Variants in PDCD11 observed in about 807,000 individuals in gnomAD.
The protein encoded by PDCD11 is protein RRP5 homolog.
In PDCD11, 97 loss-of-function variants were observed where a neutral mutation model predicts 198.9. The observed-to-expected ratio is 0.49, with a 90% CI of 0.41 to 0.58. PDCD11 has a LOEUF of 0.58. Among genes scored for constraint, PDCD11 ranks in the 20% least tolerant of loss-of-function variants. The pLI, the probability that PDCD11 is intolerant of heterozygous loss-of-function variation, is 0.00. For missense variants in PDCD11, 2,102 were observed against 2,312.7 expected (o/e 0.91, Z 1.87); for synonymous variants, 893 against 918.0 (o/e 0.97, Z 0.49).
chr10:103,445,331 G>A (rs762280957), intron 35 of PDCD11, 47 bp from the exon 36 acceptor site: 15 of 1,599,076 alleles, frequency 9.4e-6, no homozygotes, highest in East Asian at 2.2e-5. Context: ...CAGGAAGCAC[G>A]TGACCTGGGA....
chr10:103,400,280 G>T, intron 2 of PDCD11, 117 bp from the exon 3 acceptor site: 1 of 790,002 alleles, frequency 1.3e-6, no homozygotes. Flanking sequence ...GTGGGATGGG[G>T]TAGGGTGGAG....
intron 34 of PDCD11, 51 bp from the exon 35 acceptor site, chr10:103,444,463 TGTG>T (rs767663637): frequency 2.2e-5 from 34 of 1,535,932 alleles, no homozygotes; most frequent in African/African-American, 2.7e-5. Context: ...AACACTGTGT[TGTG>T]GTGAGGGGGC....
At chr10:103,423,864 GCACTC>G (rs1462406537) in intron 19 of PDCD11, among the ~76,000 whole-genome samples, 3 of 152,170 alleles carry the variant, frequency 2.0e-5, no homozygotes, top group African/African-American at 7.2e-5. Context: ...AGTTACATGG[GCACTC>G]CATCTTTAGG....
At position 103,438,814 on chromosome 10, in the gene PDCD11, TGA is replaced by T. The variant is rs763055357; in HGVS notation, c.4025+8_4025+9del. On this transcript the variant is annotated splice_region_variant and intron_variant, in intron 27 of 35. Coordinates refer to ENST00000369797, the MANE Select transcript of PDCD11 (RefSeq NM_014976.2). Reference sequence around the variant, plus strand: ...CCACACGGTGTGTTCTTTCGGTGAGTGAGGGGGGCTCTGCACCCGGACCCAAG... The same window carrying T: ...CCACACGGTGTGTTCTTTCGGTGAGTGGGGGGCTCTGCACCCGGACCCAAG... 2 of 1,613,576 alleles carry T rather than the reference TGA, an allele frequency of 1.2e-6. No individual in the cohort carries two copies.
intron 20 of PDCD11, among the ~76,000 whole-genome samples, chr10:103,425,983 A>C (rs1323956318): frequency 6.6e-6 from 1 of 152,178 alleles, no homozygotes; most frequent in East Asian, 1.9e-4. Context: ...AAAATATGGA[A>C]TATATGGTGT....
chr10:103,439,868 G>A lies in PDCD11; in HGVS notation c.4148G>A (p.Arg1383His), dbSNP rs1453730400. 6 of 1,613,978 alleles carry A rather than the reference G, an allele frequency of 3.7e-6. No individual in the cohort carries two copies. Among genetic ancestry groups the A allele is most frequent in the African/African-American group, 1.3e-5 (1 of 74,876 alleles). Residue 1383 changes from arginine to histidine, a missense_variant and splice_region_variant, in exon 28 of 36, where the codon CGC becomes CAC. Arg to His is a conservative substitution (Grantham distance 29, BLOSUM62 0). Transcript: ENST00000369797. ...EGKLLTARVL[R>H]LNHQKNLVEL... is the part of the protein sequence containing the mutation. ...AAGCTGCTCACAGCCAGGGTCCTACGGTAGGTGCCTTCCCGTTCTCTCTCT... is the reference window on the plus strand; with the variant it reads ...AAGCTGCTCACAGCCAGGGTCCTACAGTAGGTGCCTTCCCGTTCTCTCTCT...
intron 26 of PDCD11, 96 bp downstream of exon 26, chr10:103,438,167 C>T: frequency 1.1e-6 from 1 of 927,178 alleles, no homozygotes; most frequent in Non-Finnish European, 1.8e-6. Flanking sequence ...GGGCTTCCCA[C>T]CTTCTCTGCT....
At chr10:103,435,036 C>A in intron 25 of PDCD11, 61 bp downstream of exon 25, 1 of 1,261,024 alleles carries the variant, frequency 7.9e-7, no homozygotes, top group Non-Finnish European at 1.1e-6. Flanking sequence ...TAAAAAAAAA[C>A]GTTGTTGTAA....
chr10:103,436,058 C>T (rs1386668160), intron 25 of PDCD11, among the ~76,000 whole-genome samples: 4 of 146,752 alleles, frequency 2.7e-5, no homozygotes, highest in South Asian at 2.2e-4. Flanking sequence ...GATAGAGTCT[C>T]GCTCTGTTGC....
chr10:103,444,370 C>T, intron 34 of PDCD11, 147 bp from the exon 35 acceptor site: 1 of 764,192 alleles, frequency 1.3e-6, no homozygotes, highest in Non-Finnish European at 2.1e-6. Context: ...CCAAACCCAC[C>T]CCTTTTGGGT....
In PDCD11 at chr10:103,443,172, C is replaced by A; in HGVS notation, c.4963C>A (p.Gln1655Lys). 6.3e-7 allele frequency: 1 copy of A among 1,588,152 alleles called. No homozygotes were observed. The highest frequency in any genetic ancestry group is 8.6e-7 in the Non-Finnish European group (1 of 1,162,732). The change falls in exon 33 of 36, where the codon CAG becomes AAG. Residue 1655 changes from glutamine (Q) to lysine (K), a missense_variant. Gln to Lys is a moderately conservative substitution (Grantham distance 53, BLOSUM62 1). Transcript: ENST00000369797. ...ALKTISFREE[Q>K]EKLNVWVALL... ...TGACTGCTCTCCCTCCAGAGAGGAG[C>A]AGGAGAAGCTGAACGTGTGGGTGGC...
At chr10:103,433,809 C>T (rs2032034376) in intron 22 of PDCD11, 139 bp from the exon 23 acceptor site, 3 of 662,348 alleles carry the variant, frequency 4.5e-6, no homozygotes, top group Non-Finnish European at 8.2e-6. Context: ...TGGGCAAGGG[C>T]AGTGGGATGG....
Position 103,406,123 on chromosome 10 carries a change from A to T in PDCD11, c.688+15A>T. The T allele has an allele frequency of 6.2e-7, 1 of 1,613,528 alleles. No homozygotes were observed. Among genetic ancestry groups the T allele is most frequent in the South Asian group, 1.1e-5 (1 of 91,042 alleles). The stretch of plus-strand genomic sequence containing the variant: ...GAAGAACAAAGGTGAGGGCAAGAAA[A>T]GGGGCCAGTACATGGTGGTGAGGTG... On this transcript the variant is annotated intron_variant, in intron 6 of 35. Coordinates refer to ENST00000369797, the MANE Select transcript of PDCD11 (RefSeq NM_014976.2).
chr10:103,438,212 A>G (rs959844712), intron 26 of PDCD11, 141 bp downstream of exon 26: 1 of 694,208 alleles, frequency 1.4e-6, no homozygotes, highest in African/African-American at 1.8e-5. Context: ...TTTACCCAGA[A>G]AAGCTGAGGC....
chr10:103,409,222 T>A (rs1014068907), intron 7 of PDCD11, among the ~76,000 whole-genome samples: 2 of 152,200 alleles, frequency 1.3e-5, no homozygotes, highest in South Asian at 2.1e-4. Context: ...CTCACCACTA[T>A]CTTTTGAGGG....
rs1460808836 is a variant in PDCD11 at position 103,406,670 on chromosome 10, A to T, written c.750A>T (p.Gly250=). The change falls in exon 7 of 36, where the codon GGA becomes GGT. Residue 250 remains glycine, a synonymous_variant. Transcript: ENST00000369797. ...TTGTTGAAAAGGTGAAAGGCAACGG[A>T]GGAGTTGTTAGTCTGTCTGTTGGTC... is the stretch of plus-strand genomic sequence containing the variant. The part of the protein sequence containing the change: ...NCIVEKVKGN[G]GVVSLSVGHS... The T allele has an allele frequency of 1.2e-6, 2 of 1,614,048 alleles. No homozygotes were observed. The highest frequency in any genetic ancestry group is 2.7e-5 in the African/African-American group (2 of 74,922).
intron 12 of PDCD11, among the ~76,000 whole-genome samples, chr10:103,415,993 C>G (rs1235022920): frequency 4.6e-5 from 7 of 152,154 alleles, no homozygotes; most frequent in Non-Finnish European, 1.0e-4. Flanking sequence ...CCCATTGGTG[C>G]AAAATTTTAC....
intron 21 of PDCD11, among the ~76,000 whole-genome samples, chr10:103,431,282 T>C (rs1418604563): frequency 3.3e-5 from 5 of 152,144 alleles, no homozygotes; most frequent in Non-Finnish European, 7.3e-5. Flanking sequence ...CTTTGTGGTT[T>C]TTCTGAGAAG....
intron 32 of PDCD11, 129 bp from the exon 33 acceptor site, chr10:103,443,036 A>G: frequency 2.8e-6 from 2 of 715,252 alleles, no homozygotes; most frequent in Admixed American, 3.0e-5. Context: ...CTTAGGGTCT[A>G]CATTTGGGGT....
Sources: gnomAD v4.1 joint callset for allele counts (sites outside exome capture counted in the v4.1 genomes callset) on GRCh38, gnomAD v4.1.1 for gene constraint, MANE v1.5 for transcripts, NCBI Gene and HGNC (gene_info 2026-07-23, HGNC 2026-07-21) for gene names.